Variants in NLRP8 observed in about 807,000 individuals in gnomAD.
NLRP8 encodes NLR family pyrin domain containing 8, also known as NACHT, LRR and PYD domains-containing protein 8.
NLRP8 carries 86 observed loss-of-function variants against 88.7 expected under a neutral mutation model. That is an observed-to-expected ratio of 0.97 (90% CI 0.81 to 1.16). The LOEUF is 1.16. NLRP8 is among the 50% of genes most tolerant of loss of function. The pLI is 0.00. For synonymous variants in NLRP8, 504 were observed against 494.6 expected (o/e 1.02, Z -0.25); for missense variants, 1,342 against 1,286.5 (o/e 1.04, Z -0.66).
At chr19:55,977,728 G>A (rs1980411126) in intron 8 of NLRP8, among the ~76,000 whole-genome samples, 1 of 146,836 alleles carries the variant, frequency 6.8e-6, no homozygotes, top group Admixed American at 7.1e-5. Flanking sequence ...ATCAAAAAAT[G>A]AATCTAATTT....
intron 8 of NLRP8, 59 bp downstream of exon 8, chr19:55,976,362 A>T: frequency 7.2e-7 from 1 of 1,392,070 alleles, no homozygotes. Context: ...AGCGTCTCTC[A>T]GGATGGAATA....
rs748024796 is a variant in NLRP8 at position 55,955,722 on chromosome 19, T to G, written c.1664T>G (p.Met555Arg). ...GGAAGCAAAAGCTATCTCTCTCACATGGGACTTTTCTTATTCGGTTTTCTG... is the reference window on the plus strand; with the variant it reads ...GGAAGCAAAAGCTATCTCTCTCACAGGGGACTTTTCTTATTCGGTTTTCTG... The change falls in exon 3 of 10, where the codon ATG becomes AGG. Residue 555 changes from methionine to arginine, a missense_variant. Met to Arg is a moderately conservative substitution (Grantham distance 91). Coordinates refer to ENST00000291971, the MANE Select transcript of NLRP8 (RefSeq NM_176811.2). The G allele has an allele frequency of 6.2e-7, 1 of 1,613,970 alleles. No individual in the cohort carries two copies. Among genetic ancestry groups the G allele is most frequent in the Admixed American group, 1.7e-5 (1 of 59,994 alleles).
At chr19:55,976,073 G>A in intron 7 of NLRP8, 60 bp from the exon 8 acceptor site, 3 of 1,370,502 alleles carry the variant, frequency 2.2e-6, no homozygotes, top group Non-Finnish European at 2.9e-6. Context: ...CGTTGTTGTT[G>A]TTGTTGTTGT....
chr19:55,963,014 T>C (rs1979682844), intron 4 of NLRP8, among the ~76,000 whole-genome samples: 1 of 152,022 alleles, frequency 6.6e-6, no homozygotes, highest in Non-Finnish European at 1.5e-5. Flanking sequence ...ATATGTACTA[T>C]TATCCCCCCC....
rs777000805 is a variant in NLRP8, at chr19:55,988,438, G to GTATATATATATATA, written c.*526_*527insATATATATATATAT. On this transcript the variant is annotated 3_prime_UTR_variant, in exon 10 of 10. Transcript: ENST00000291971. ...CATATACACATAAATATATATATGT[G>GTATATATATATATA]TGTGTGTATATATATATATATATAT... The GTATATATATATATA allele has an allele frequency of 0.011, 976 of 91,398 alleles. 13 individuals carry two copies. The highest frequency in any genetic ancestry group is 0.015 in the Non-Finnish European group (688 of 45,346). The allele number at this position is 91,398 out of a possible 1,614,324, so 5.7% of individuals were successfully genotyped here.
chr19:55,950,070 C>A (rs1429954924), intron 1 of NLRP8, among the ~76,000 whole-genome samples: 37 of 151,960 alleles, frequency 2.4e-4, no homozygotes, highest in Non-Finnish European at 4.4e-5. Flanking sequence ...TAGAGAAAAT[C>A]TTAGTGTTAA....
chr19:55,979,752 T>C (rs1392620437), intron 9 of NLRP8, among the ~76,000 whole-genome samples, 188 bp downstream of exon 9: 2 of 152,112 alleles, frequency 1.3e-5, no homozygotes, highest in Non-Finnish European at 2.9e-5. Flanking sequence ...CCCTGTCTTC[T>C]ACTAAAAAAT....
Position 55,954,570 on chromosome 19 carries a change from C to G in NLRP8, c.512C>G (p.Pro171Arg). The G allele has an allele frequency of 8.1e-6, 13 of 1,614,148 alleles. No individual in the cohort carries two copies. The highest frequency in any genetic ancestry group is 1.1e-5 in the Non-Finnish European group (13 of 1,180,022). Residue 171 changes from proline (P) to arginine (R), a missense_variant, in exon 3 of 10, where the codon CCT becomes CGT. Physicochemically the swap from Pro to Arg is moderately radical, Grantham distance 103 (BLOSUM62 -2). Coordinates refer to ENST00000291971, the MANE Select transcript of NLRP8 (RefSeq NM_176811.2). ...CCCATATGGGACATTACGACTTGGC[C>G]TGGAAACCAGAGGGACTTCTTCTAC...
In NLRP8 at chr19:55,976,151, G is replaced by A; in HGVS notation, c.2724G>A (p.Leu908=). ...TTTGCAGACTGAGAAAGTGTGACTT[G>A]ACCTTTAATTGCTGTCAGGATATGA... The change falls in exon 8 of 10, where the codon TTG becomes TTA. Residue 908 remains leucine (L), a synonymous_variant. Coordinates refer to ENST00000291971, the MANE Select transcript of NLRP8 (RefSeq NM_176811.2). The A allele has an allele frequency of 6.2e-7, 1 of 1,606,798 alleles. No individual in the cohort carries two copies. The highest frequency in any genetic ancestry group is 8.5e-7 in the Non-Finnish European group (1 of 1,178,288).
chr19:55,979,669 A>AAAGTGCTGGGATTACAG, intron 9 of NLRP8, 105 bp downstream of exon 9: 1 of 1,259,358 alleles, frequency 7.9e-7, no homozygotes, highest in Non-Finnish European at 1.1e-6. Context: ...CTGTAATCCC[A>AAAGTGCTGGGATTACAG]GCACTTTGGG....
intron 4 of NLRP8, among the ~76,000 whole-genome samples, chr19:55,964,478 G>A (rs550629707): frequency 1.1e-4 from 17 of 152,308 alleles, no homozygotes; most frequent in South Asian, 2.1e-4. Context: ...CCGGTCGGGC[G>A]TGGTGGCTCA....
intron 9 of NLRP8, among the ~76,000 whole-genome samples, chr19:55,986,269 C>T (rs995552205): frequency 1.5e-4 from 23 of 151,498 alleles, no homozygotes; most frequent in African/African-American, 5.3e-4. Flanking sequence ...ATAAGGGCAC[C>T]CAACACACAC....
chr19:55,966,468 G>T, intron 5 of NLRP8, 88 bp downstream of exon 5: 1 of 1,295,428 alleles, frequency 7.7e-7, no homozygotes, highest in South Asian at 1.4e-5. Flanking sequence ...GTTTCCCTCT[G>T]TCCTTTCCTT....
chr19:55,985,321 A>C (rs962708984), intron 9 of NLRP8, among the ~76,000 whole-genome samples: 13 of 137,486 alleles, frequency 9.5e-5, no homozygotes, highest in African/African-American at 4.3e-4. Context: ...AAAAATGAAA[A>C]AGAAAAAAAA....
intron 1 of NLRP8, among the ~76,000 whole-genome samples, chr19:55,950,023 G>T (rs974693758): frequency 3.0e-4 from 46 of 152,154 alleles, no homozygotes; most frequent in Non-Finnish European, 2.2e-4. Context: ...CACCGGAAAA[G>T]AAAATCAGAG....
At chr19:55,952,468 G>A in intron 1 of NLRP8, 70 bp from the exon 2 acceptor site, 3 of 1,294,692 alleles carry the variant, frequency 2.3e-6, no homozygotes, top group Non-Finnish European at 3.4e-6. Context: ...AAGGCCATTG[G>A]CTCCATGCTG....
At position 55,950,271 on chromosome 19, in the gene NLRP8, T is replaced by C. The variant is rs1304090740; in HGVS notation, c.367+2002T>C. Among the ~76,000 whole-genome samples the C allele has an allele frequency of 5.3e-5, 7 of 132,132 alleles. No individual in the cohort carries two copies. In the East Asian group the frequency reaches 1.3e-3, roughly 25 times the overall value. The allele number at this position is 132,132 out of a possible 152,430, so 86.7% of individuals were successfully genotyped here. On this transcript the variant is annotated intron_variant, in intron 1 of 9. Coordinates refer to ENST00000291971, the MANE Select transcript of NLRP8 (RefSeq NM_176811.2). ...ACTAAAACTACAAAAAAAAAAAAAA[T>C]AGCCGGGCGTGGTGACGGGTGCCTG...
chr19:55,962,432 C>T lies in NLRP8; in HGVS notation c.2213+195C>T, dbSNP rs1415770092. On this transcript the variant is annotated intron_variant, in intron 4 of 9. Coordinates refer to ENST00000291971, the MANE Select transcript of NLRP8 (RefSeq NM_176811.2). ...ACACACGGGAGCCAGGCTGACGGCT[C>T]GATCTGTCTCTAGTTACTGTTAGCT... Among the ~76,000 whole-genome samples the T allele has an allele frequency of 3.3e-5, 5 of 152,304 alleles. No homozygotes were observed. In the South Asian group the frequency reaches 6.2e-4, roughly 19 times the overall value.
intron 3 of NLRP8, among the ~76,000 whole-genome samples, chr19:55,959,002 C>T (rs1979497082): frequency 6.6e-6 from 1 of 151,952 alleles, no homozygotes; most frequent in Non-Finnish European, 1.5e-5. Context: ...CCTCAGCCTC[C>T]CGAGTAGCTG....
Sources: allele counts gnomAD v4.1 joint callset (sites outside exome capture counted in the v4.1 genomes callset), GRCh38; gene constraint gnomAD v4.1.1; transcripts MANE v1.5; gene names NCBI Gene and HGNC (gene_info 2026-07-23, HGNC 2026-07-21).